The following PFDN1 variants were observed in gnomAD, a reference collection of about 807,000 sequenced individuals.
PFDN1 encodes the protein prefoldin subunit 1.
PFDN1 carries 6 observed loss-of-function variants against 17.3 expected under a neutral mutation model. The ratio of observed to expected loss-of-function variants is 0.35; its 90% CI spans 0.19 to 0.69. The LOEUF (loss-of-function observed/expected upper bound fraction) is 0.69, where lower values mean the gene tolerates loss of function less well. Ranked by LOEUF, PFDN1 falls within the 30% of genes least tolerant of loss-of-function variation. The pLI, the probability that PFDN1 is intolerant of heterozygous loss-of-function variation, is 0.65. For synonymous variants in PFDN1, 58 were observed against 50.1 expected (o/e 1.16, Z -0.67); for missense variants, 113 against 146.2 (o/e 0.77, Z 1.17).
rs56134387 is a variant in PFDN1, at chr5:140,278,574, A to C, written c.285+2875T>G. Among the ~76,000 whole-genome samples, 104 of 150,496 alleles carry C rather than the reference A, an allele frequency of 6.9e-4. 2 individuals carry two copies. Among genetic ancestry groups the C allele is most frequent in the African/African-American group, 1.4e-3 (59 of 41,172 alleles). On this transcript the variant is annotated intron_variant, in intron 3 of 3. Coordinates refer to ENST00000261813, the MANE Select transcript of PFDN1 (RefSeq NM_002622.5). ...CTCTGTCTCAAAAAAAAAAAAAAAA[A>C]AAAAAAAAAAAAACAAAAAACAAAA...
chr5:140,281,321 C>T (rs573485491), intron 3 of PFDN1, 128 bp downstream of exon 3: 19 of 588,034 alleles, frequency 3.2e-5, no homozygotes, highest in African/African-American at 1.5e-4. Context: ...ACGGCTCCAA[C>T]GTAATTATAG....
intron 2 of PFDN1, among the ~76,000 whole-genome samples, chr5:140,296,445 G>GCTTTA (rs1406076477): frequency 6.6e-6 from 1 of 152,128 alleles, no homozygotes; most frequent in African/African-American, 2.4e-5. Context: ...CACTCAATGT[G>GCTTTA]CTTTACTAGC....
At chr5:140,267,695 C>T (rs923912780) in intron 3 of PFDN1, among the ~76,000 whole-genome samples, 1 of 151,742 alleles carries the variant, frequency 6.6e-6, no homozygotes, top group African/African-American at 2.4e-5. Flanking sequence ...CGACAACGCC[C>T]GACAACTAAA....
chr5:140,256,434 A>G (rs1764986197), intron 3 of PFDN1, among the ~76,000 whole-genome samples: 1 of 152,104 alleles, frequency 6.6e-6, no homozygotes, highest in Non-Finnish European at 1.5e-5. Context: ...TTTAAACATT[A>G]TATGACTCCT....
In PFDN1 at chr5:140,276,580, A is replaced by C. The variant is rs1165420227; in HGVS notation, c.285+4869T>G. Among the ~76,000 whole-genome samples the C allele has an allele frequency of 2.0e-5, 3 of 152,022 alleles. 1 individual carries two copies. Among genetic ancestry groups the C allele is most frequent in the African/African-American group, 4.8e-5 (2 of 41,400 alleles). ...TGGATCATCTGAGGTCAGGAGTTCAAGACCAGTCTGGCCAACATGCAAAAC... is the reference window on the plus strand; with the variant it reads ...TGGATCATCTGAGGTCAGGAGTTCACGACCAGTCTGGCCAACATGCAAAAC... On this transcript the variant is annotated intron_variant, in intron 3 of 3. Coordinates refer to ENST00000261813, the MANE Select transcript of PFDN1 (RefSeq NM_002622.5).
At chr5:140,301,684 T>C (rs1765749003) in intron 1 of PFDN1, among the ~76,000 whole-genome samples, 1 of 152,250 alleles carries the variant, frequency 6.6e-6, no homozygotes, top group Non-Finnish European at 1.5e-5. Context: ...TTTAAGTTTG[T>C]AATCATTTTC....
chr5:140,285,264 C>T (rs1469753903), intron 2 of PFDN1, among the ~76,000 whole-genome samples: 2 of 151,206 alleles, frequency 1.3e-5, no homozygotes, highest in South Asian at 2.1e-4. Flanking sequence ...AGGAGAATGG[C>T]GTGAACCCGG....
chr5:140,295,950 C>T (rs542045176), intron 2 of PFDN1, among the ~76,000 whole-genome samples: 2 of 151,906 alleles, frequency 1.3e-5, no homozygotes, highest in African/African-American at 4.8e-5. Context: ...CCTTTATTCT[C>T]TAAGGATTAT....
Position 140,292,833 on chromosome 5 carries a change from T to C in PFDN1, c.200+7583A>G, listed in dbSNP as rs561550349. On this transcript the variant is annotated intron_variant, in intron 2 of 3. Coordinates refer to ENST00000261813, the MANE Select transcript of PFDN1 (RefSeq NM_002622.5). ...TTGCAGTTAACAGCAATTTCTGATA[T>C]TATAAATAAAAAAGAATGACAAAAG... 4.6e-5 allele frequency: 7 copies of C among 152,258 alleles called. No individual in the cohort carries two copies. The South Asian group carries it at 1.5e-3, about 32-fold the overall frequency. 9.4% of individuals were successfully genotyped at this position (152,258 alleles called of 1,614,324 possible).
At chr5:140,273,244 CAAAA>C (rs1204221243) in intron 3 of PFDN1, among the ~76,000 whole-genome samples, 4 of 67,250 alleles carry the variant, frequency 5.9e-5, no homozygotes, top group African/African-American at 6.1e-5. Context: ...GACTCCATCT[CAAAA>C]AAAAAAAAAA....
At chr5:140,261,327 TATTA>T (rs1379702181) in intron 3 of PFDN1, among the ~76,000 whole-genome samples, 1 of 152,182 alleles carries the variant, frequency 6.6e-6, no homozygotes, top group Non-Finnish European at 1.5e-5. Flanking sequence ...TAAACTGCCA[TATTA>T]ATTGTTAAAA....
chr5:140,285,840 G>C (rs138702536), intron 2 of PFDN1, among the ~76,000 whole-genome samples: 15 of 152,120 alleles, frequency 9.9e-5, no homozygotes, highest in African/African-American at 3.6e-4. Flanking sequence ...CAAAACAGGA[G>C]ATAAAACCAA....
At chr5:140,262,546 T>C (rs1765079864) in intron 3 of PFDN1, 1 of 456,250 alleles carries the variant, frequency 2.2e-6, no homozygotes, top group Non-Finnish European at 4.4e-6. Flanking sequence ...CACTCGACTG[T>C]TGAGTCCACT....
chr5:140,271,848 G>A (rs1765209655), intron 3 of PFDN1, among the ~76,000 whole-genome samples: 1 of 151,670 alleles, frequency 6.6e-6, no homozygotes. Flanking sequence ...AGAGAAAGAA[G>A]TGAGGCAAAA....
chr5:140,277,971 G>A (rs940464306), intron 3 of PFDN1, among the ~76,000 whole-genome samples: 1 of 152,116 alleles, frequency 6.6e-6, no homozygotes, highest in Non-Finnish European at 1.5e-5. Flanking sequence ...CACTTTGGGA[G>A]GCTGAGGTGG....
chr5:140,255,196 A>T (rs746268084), intron 3 of PFDN1, among the ~76,000 whole-genome samples: 3 of 152,224 alleles, frequency 2.0e-5, no homozygotes, highest in Non-Finnish European at 2.9e-5. Flanking sequence ...AATAAATCTC[A>T]TAAGAACTCT....
Position 140,292,606 on chromosome 5 carries a change from T to C in PFDN1, c.200+7810A>G, listed in dbSNP as rs115720529. 3.6e-3 allele frequency among the ~76,000 whole-genome samples: 542 copies of C among 152,288 alleles called. 2 individuals carry two copies. Among genetic ancestry groups the C allele is most frequent in the African/African-American group, 0.012 (496 of 41,576 alleles). On this transcript the variant is annotated intron_variant, in intron 2 of 3. Coordinates refer to ENST00000261813, the MANE Select transcript of PFDN1 (RefSeq NM_002622.5). ...TAGCTTCCAAGTAATGTAGTTCATTTCAAGACAACTGATCTACTGCAAAAC... is the reference window on the plus strand; with the variant it reads ...TAGCTTCCAAGTAATGTAGTTCATTCCAAGACAACTGATCTACTGCAAAAC...
At chr5:140,276,065 T>A (rs1335162752) in intron 3 of PFDN1, among the ~76,000 whole-genome samples, 1 of 150,544 alleles carries the variant, frequency 6.6e-6, no homozygotes, top group Non-Finnish European at 1.5e-5. Flanking sequence ...TGATGATAAT[T>A]ACAGAGGATT....
chr5:140,270,091 A>T (rs1488217324), intron 3 of PFDN1, among the ~76,000 whole-genome samples: 1 of 152,208 alleles, frequency 6.6e-6, no homozygotes, highest in Non-Finnish European at 1.5e-5. Context: ...CTCAGGTTGG[A>T]GGACACCTGT....
Sources: gnomAD v4.1 joint callset for allele counts (sites outside exome capture counted in the v4.1 genomes callset) on GRCh38, gnomAD v4.1.1 for gene constraint, MANE v1.5 for transcripts, NCBI Gene and HGNC (gene_info 2026-07-23, HGNC 2026-07-21) for gene names.